ZDHHC3: variants seen among roughly 807,000 people sequenced by gnomAD.
ZDHHC3 encodes palmitoyltransferase ZDHHC3.
A neutral mutation model predicts 30.6 loss-of-function variants in ZDHHC3; 9 were observed. The observed-to-expected ratio is 0.29, with a 90% CI of 0.18 to 0.51. ZDHHC3 has a LOEUF of 0.51. Ranked by LOEUF, ZDHHC3 falls within the 20% of genes least tolerant of loss-of-function variation. The pLI is 0.97. For synonymous variants in ZDHHC3, 136 were observed against 140.2 expected (o/e 0.97, Z 0.21); for missense variants, 246 against 384.2 (o/e 0.64, Z 3.01).
Position 44,920,289 on chromosome 3 carries a change from G to A in ZDHHC3, c.*6400C>T, listed in dbSNP as rs1232613056. 3.1e-6 allele frequency: 4 copies of A among 1,289,756 alleles called. No homozygotes were observed. The highest frequency in any genetic ancestry group is 1.5e-5 in the African/African-American group (1 of 65,876). The allele number at this position is 1,289,756 out of a possible 1,614,324, so 79.9% of individuals were successfully genotyped here. On this transcript the variant is annotated 3_prime_UTR_variant, in exon 7 of 7. Coordinates refer to ENST00000424952, the MANE Select transcript of ZDHHC3 (RefSeq NM_001135179.2). Reference sequence around the variant, plus strand: ...CACAGAAGCAGTGACCAGCTGAGATGGTTTGCTTTGGGCATTCTGCATTCT... The same window carrying A: ...CACAGAAGCAGTGACCAGCTGAGATAGTTTGCTTTGGGCATTCTGCATTCT...
At position 44,924,896 on chromosome 3, in the gene ZDHHC3, C is replaced by T. The variant is rs751695026; in HGVS notation, c.*1793G>A. The stretch of plus-strand genomic sequence containing the variant: ...TATCGCATGAATAGCACCGTAGACA[C>T]GAGGTAAAGTTAACTGACTCAGGAA... On this transcript the variant is annotated 3_prime_UTR_variant, in exon 7 of 7. Coordinates refer to ENST00000424952, the MANE Select transcript of ZDHHC3 (RefSeq NM_001135179.2). 7.8e-5 allele frequency: 77 copies of T among 985,366 alleles called. 1 individual carries two copies. The highest frequency in any genetic ancestry group is 1.1e-4 in the East Asian group (1 of 8,830). The allele number at this position is 985,366 out of a possible 1,614,324, so 61.0% of individuals were successfully genotyped here. A position where few individuals can be genotyped will look rare whatever the true frequency, so the allele number is the denominator to read the frequency against.
In ZDHHC3 at chr3:44,917,856, A is replaced by G. The variant is rs1700291888; in HGVS notation, c.*8833T>C. The G allele has an allele frequency of 3.1e-6, 4 of 1,289,608 alleles. No homozygotes were observed. The highest frequency in any genetic ancestry group is 1.5e-5 in the African/African-American group (1 of 65,756). 79.9% of individuals were successfully genotyped at this position (1,289,608 alleles called of 1,614,324 possible). On this transcript the variant is annotated 3_prime_UTR_variant, in exon 7 of 7. Transcript: ENST00000424952. ...CCAAAACCCCAGGATGAAGGTTGACAGCACTTTTTAGTGTTTGCTTCTCTC... is the reference window on the plus strand; with the variant it reads ...CCAAAACCCCAGGATGAAGGTTGACGGCACTTTTTAGTGTTTGCTTCTCTC...
At chr3:44,945,504 C>T (rs1230285499) in intron 2 of ZDHHC3, among the ~76,000 whole-genome samples, 4 of 152,082 alleles carry the variant, frequency 2.6e-5, no homozygotes, top group African/African-American at 9.7e-5. Flanking sequence ...TGCCATTAGG[C>T]CACATTAATT....
Position 44,924,764 on chromosome 3 carries a change from T to C in ZDHHC3, c.*1925A>G. 1.0e-6 allele frequency: 1 copy of C among 985,448 alleles called. No homozygotes were observed. The highest frequency in any genetic ancestry group is 1.2e-6 in the Non-Finnish European group (1 of 829,908). The allele number at this position is 985,448 out of a possible 1,614,324, so 61.0% of individuals were successfully genotyped here. A position where few individuals can be genotyped will look rare whatever the true frequency, so the allele number is the denominator to read the frequency against. On this transcript the variant is annotated 3_prime_UTR_variant, in exon 7 of 7. Transcript: ENST00000424952. The stretch of plus-strand genomic sequence containing the variant: ...ACTTCTTTCATACACCTAACTGAGC[T>C]GTATGTTATGAAAAAATTTTAAAAA...
At chr3:44,974,858 C>A (rs1211212638) in intron 1 of ZDHHC3, among the ~76,000 whole-genome samples, 1 of 152,196 alleles carries the variant, frequency 6.6e-6, no homozygotes, top group Non-Finnish European at 1.5e-5. Context: ...ACTGTGCCCA[C>A]TGATGCGACC....
rs951802006 is a variant in ZDHHC3, at chr3:44,942,520, T to C, written c.431+2648A>G. ...GGCAAGGAGGAGGCAGTGAGGAAAA[T>C]GCCAGGCGGTGGAGGCAGCTGAGGG... On this transcript the variant is annotated intron_variant, in intron 3 of 6. Transcript: ENST00000424952. 3.3e-5 allele frequency among the ~76,000 whole-genome samples: 5 copies of C among 152,178 alleles called. No individual in the cohort carries two copies. The East Asian group carries it at 5.8e-4, about 18-fold the overall frequency.
At chr3:44,955,878 A>G (rs185510994) in intron 2 of ZDHHC3, among the ~76,000 whole-genome samples, 8 of 152,342 alleles carry the variant, frequency 5.3e-5, no homozygotes, top group Non-Finnish European at 8.8e-5. Context: ...AAAATAGGGC[A>G]CATCTATAGA....
At position 44,920,809 on chromosome 3, in the gene ZDHHC3, G is replaced by A; in HGVS notation, c.*5880C>T. On this transcript the variant is annotated 3_prime_UTR_variant, in exon 7 of 7. Transcript: ENST00000424952. ...CTCACCAACCTCATAAAGTATTCCA[G>A]ACAGAGCCTGGCCTGTCTACCAGAG... 3.0e-6 allele frequency: 3 copies of A among 985,404 alleles called. No individual in the cohort carries two copies. Among genetic ancestry groups the A allele is most frequent in the Non-Finnish European group, 3.6e-6 (3 of 829,928 alleles). The allele number at this position is 985,404 out of a possible 1,614,324, so 61.0% of individuals were successfully genotyped here. A position where few individuals can be genotyped will look rare whatever the true frequency, so the allele number is the denominator to read the frequency against.
Position 44,922,086 on chromosome 3 carries a change from G to C in ZDHHC3, c.*4603C>G. 1 of 985,432 alleles carries C rather than the reference G, an allele frequency of 1.0e-6. No homozygotes were observed. Among genetic ancestry groups the C allele is most frequent in the Non-Finnish European group, 1.2e-6 (1 of 829,936 alleles). The allele number at this position is 985,432 out of a possible 1,614,324, so 61.0% of individuals were successfully genotyped here. A position where few individuals can be genotyped will look rare whatever the true frequency, so the allele number is the denominator to read the frequency against. The stretch of plus-strand genomic sequence containing the variant: ...TGAGGGAGAGGGTGAGAAAAAGAAG[G>C]TTCAGGTTGGGAGTACGCTGGTCAG... On this transcript the variant is annotated 3_prime_UTR_variant, in exon 7 of 7. Coordinates refer to ENST00000424952, the MANE Select transcript of ZDHHC3 (RefSeq NM_001135179.2).
chr3:44,928,405 C>G (rs560860209), intron 6 of ZDHHC3, among the ~76,000 whole-genome samples: 1 of 152,218 alleles, frequency 6.6e-6, no homozygotes, highest in East Asian at 1.9e-4. Flanking sequence ...GCTTCTAATG[C>G]TGACTACCCT....
chr3:44,975,508 G>A (rs955507286), intron 1 of ZDHHC3: 1 of 152,250 alleles, frequency 6.6e-6, no homozygotes, highest in African/African-American at 2.4e-5. Flanking sequence ...TCCCAGCAAG[G>A]TAATGGGACA....
chr3:44,972,201 G>T (rs989931901), intron 1 of ZDHHC3, among the ~76,000 whole-genome samples: 3 of 152,182 alleles, frequency 2.0e-5, no homozygotes, highest in Admixed American at 6.5e-5. Context: ...GGTGGCTCAT[G>T]CCCATAATCA....
chr3:44,967,331 C>G (rs1322873787), intron 1 of ZDHHC3, among the ~76,000 whole-genome samples: 1 of 152,160 alleles, frequency 6.6e-6, no homozygotes, highest in Admixed American at 6.5e-5. Context: ...CTTACTATAA[C>G]TATTTTATTA....
At chr3:44,952,589 T>C (rs1045886935) in intron 2 of ZDHHC3, among the ~76,000 whole-genome samples, 2 of 152,200 alleles carry the variant, frequency 1.3e-5, no homozygotes, top group African/African-American at 4.8e-5. Context: ...AGCTCTGGAC[T>C]ACCAATCCAG....
intron 1 of ZDHHC3, among the ~76,000 whole-genome samples, chr3:44,967,978 G>A (rs1439513150): frequency 6.6e-6 from 1 of 152,206 alleles, no homozygotes; most frequent in Non-Finnish European, 1.5e-5. Context: ...CAGCATGGCA[G>A]CTTTTATTCG....
In ZDHHC3 at chr3:44,959,427, T is replaced by C. The variant is rs751095211; in HGVS notation, c.10A>G (p.Ile4Val). Reference sequence around the variant, plus strand: ...ATGTTTCGGAAGTGGTGGGTGGGGATAAGCATCATAAGCTATTCTGTCCAT... The same window carrying C: ...ATGTTTCGGAAGTGGTGGGTGGGGACAAGCATCATAAGCTATTCTGTCCAT... MML[I>V]PTHHFRNIER... The change falls in exon 2 of 7, where the codon ATC becomes GTC. Residue 4 changes from isoleucine (I) to valine (V), a missense_variant. Transcript: ENST00000424952. The surrounding 1 kb of genome is among the most constrained non-coding windows in gnomAD (Gnocchi z 4.3). 9 of 1,613,594 alleles carry C rather than the reference T, an allele frequency of 5.6e-6. No individual in the cohort carries two copies. The highest frequency in any genetic ancestry group is 7.6e-6 in the Non-Finnish European group (9 of 1,179,578).
chr3:44,934,626 A>C (rs1313079745), intron 3 of ZDHHC3, among the ~76,000 whole-genome samples: 2 of 150,974 alleles, frequency 1.3e-5, no homozygotes, highest in Non-Finnish European at 2.9e-5. Context: ...GTCCAGGCGC[A>C]GTGGCCTGTA....
chr3:44,968,957 T>C (rs1575956930), intron 1 of ZDHHC3, among the ~76,000 whole-genome samples: 1 of 152,198 alleles, frequency 6.6e-6, no homozygotes, highest in Non-Finnish European at 1.5e-5. Flanking sequence ...TAACTTGTTT[T>C]CTAGGTCTAA....
Position 44,933,081 on chromosome 3 carries a change from C to A in ZDHHC3, c.610+37G>T, listed in dbSNP as rs755190081. 1.3e-5 allele frequency: 21 copies of A among 1,613,358 alleles called. 2 individuals are homozygous for A. The South Asian group carries it at 2.1e-4, about 16-fold the overall frequency. On this transcript the variant is annotated intron_variant, in intron 5 of 6. Transcript: ENST00000424952. ...GCCCCCCACTCAGGTCACACACCCACCCTGGAGCAGGGAGGAAAGCCTCAG... is the reference window on the plus strand; with the variant it reads ...GCCCCCCACTCAGGTCACACACCCAACCTGGAGCAGGGAGGAAAGCCTCAG...
Sources: allele counts gnomAD v4.1 joint callset (sites outside exome capture counted in the v4.1 genomes callset), GRCh38; gene constraint gnomAD v4.1.1; non-coding constraint Gnocchi (gnomAD v3.1); transcripts MANE v1.5; gene names NCBI Gene and HGNC (gene_info 2026-07-23, HGNC 2026-07-21).